The following SGSM1 variants were observed in gnomAD, a reference collection of about 807,000 sequenced individuals.
SGSM1 encodes the protein RUN and TBC1 domain containing 2.
In SGSM1, 73 loss-of-function variants were observed where a neutral mutation model predicts 133.8. The ratio of observed to expected loss-of-function variants is 0.55; its 90% CI spans 0.45 to 0.66. SGSM1 has a LOEUF of 0.66. SGSM1 is among the 30% of genes least tolerant of loss of function. The pLI is 0.00. For synonymous variants in SGSM1, 563 were observed against 573.0 expected (o/e 0.98, Z 0.25); for missense variants, 1,213 against 1,448.1 (o/e 0.84, Z 2.64).
At chr22:24,882,443 G>A (rs1266219769) in intron 14 of SGSM1, among the ~76,000 whole-genome samples, 1 of 152,128 alleles carries the variant, frequency 6.6e-6, no homozygotes, top group African/African-American at 2.4e-5. Flanking sequence ...TATTTTGATA[G>A]ATGTATCCAT....
Position 24,850,275 on chromosome 22 carries a change from TGAA to T in SGSM1, c.303-3_303-1del. Reference sequence around the variant, plus strand: ...ATCTATTCCCGTCTTTTATTGGTCTTGAAGGAGAAACCAGATTCAAGGCCTCCA... The same window carrying T: ...ATCTATTCCCGTCTTTTATTGGTCTTGGAGAAACCAGATTCAAGGCCTCCA... On this transcript the variant is annotated splice_acceptor_variant and splice_polypyrimidine_tract_variant and intron_variant, in intron 4 of 24. Coordinates refer to ENST00000400358, the MANE Select transcript of SGSM1 (RefSeq NM_001098497.3). LOFTEE classifies it high-confidence loss of function. 1 of 1,581,738 alleles carries T rather than the reference TGAA, an allele frequency of 6.3e-7. No individual in the cohort carries two copies. Among genetic ancestry groups the T allele is most frequent in the Non-Finnish European group, 8.6e-7 (1 of 1,163,768 alleles).
intron 13 of SGSM1, 67 bp from the exon 14 acceptor site, chr22:24,879,395 T>A: frequency 6.6e-7 from 1 of 1,508,090 alleles, no homozygotes; most frequent in East Asian, 2.3e-5. Flanking sequence ...CACGTGGTTA[T>A]CCTCTCCAGA....
At chr22:24,868,883 G>C in intron 12 of SGSM1, 28 bp downstream of exon 12, 3 of 1,610,252 alleles carry the variant, frequency 1.9e-6, no homozygotes, top group Non-Finnish European at 2.5e-6. Flanking sequence ...GGGCCCCGGG[G>C]AGTCACCTGC....
At chr22:24,911,542 C>T (rs1255708995) in intron 21 of SGSM1, among the ~76,000 whole-genome samples, 1 of 152,024 alleles carries the variant, frequency 6.6e-6, no homozygotes, top group Non-Finnish European at 1.5e-5. Flanking sequence ...GATGAGAAAC[C>T]TGACAAACAC....
At chr22:24,841,064 A>T (rs1030607297) in intron 2 of SGSM1, among the ~76,000 whole-genome samples, 2 of 151,714 alleles carry the variant, frequency 1.3e-5, no homozygotes, top group African/African-American at 4.8e-5. Flanking sequence ...GTTAGCCAAG[A>T]TGGTCTCGAT....
chr22:24,837,113 G>A (rs12484136), intron 2 of SGSM1, among the ~76,000 whole-genome samples: 22,819 of 152,084 alleles, frequency 0.15, 1,978 homozygotes, highest in East Asian at 0.21. Flanking sequence ...AGCTGGGCCC[G>A]GGGGACCACT....
At chr22:24,852,622 T>C (rs1016797661) in intron 5 of SGSM1, among the ~76,000 whole-genome samples, 2 of 152,134 alleles carry the variant, frequency 1.3e-5, no homozygotes, top group African/African-American at 2.4e-5. Flanking sequence ...TTAGTATTTT[T>C]AGTAGAAACA....
intron 14 of SGSM1, among the ~76,000 whole-genome samples, chr22:24,880,355 A>G (rs1324389585): frequency 6.6e-6 from 1 of 152,114 alleles, no homozygotes; most frequent in Non-Finnish European, 1.5e-5. Context: ...GCTGGTCTCG[A>G]ACTCCTGACC....
At chr22:24,829,999 G>T (rs1330936687) in intron 2 of SGSM1, among the ~76,000 whole-genome samples, 1 of 152,164 alleles carries the variant, frequency 6.6e-6, no homozygotes, top group Non-Finnish European at 1.5e-5. Context: ...TTCCAGGGCT[G>T]CCTGGCCCTC....
At chr22:24,908,048 A>G (rs1275969969) in intron 21 of SGSM1, among the ~76,000 whole-genome samples, 2 of 152,122 alleles carry the variant, frequency 1.3e-5, no homozygotes, top group African/African-American at 2.4e-5. Context: ...TTGAGAGCCC[A>G]TAAGTAAGCC....
chr22:24,827,508 G>T (rs1928866078), intron 2 of SGSM1, among the ~76,000 whole-genome samples: 1 of 152,086 alleles, frequency 6.6e-6, no homozygotes, highest in Admixed American at 6.6e-5. Context: ...TTGGAGGCCA[G>T]CTAGGTCCTG....
At chr22:24,858,702 T>C (rs1347929856) in intron 8 of SGSM1, among the ~76,000 whole-genome samples, 2 of 151,272 alleles carry the variant, frequency 1.3e-5, no homozygotes, top group East Asian at 1.9e-4. Context: ...AGGGATGAAT[T>C]ACGTGCCTGC....
rs1569149456 is a variant in SGSM1 at position 24,855,530 on chromosome 22, TC to T, written c.670-16del. ...TCACCCCAGGCCTCATCCCTCTGTC[TC>T]CCGTCACTCTCTACCAGATCCAGAA... On this transcript the variant is annotated intron_variant, in intron 7 of 24. Transcript: ENST00000400358. 1 of 1,613,616 alleles carries T rather than the reference TC, an allele frequency of 6.2e-7. No individual in the cohort carries two copies. The highest frequency in any genetic ancestry group is 8.5e-7 in the Non-Finnish European group (1 of 1,179,758).
rs771819751 is a variant in SGSM1 at position 24,925,539 on chromosome 22, G to A, written c.*1265G>A. 3.9e-5 allele frequency: 6 copies of A among 152,086 alleles called. No homozygotes were observed. Among genetic ancestry groups the A allele is most frequent in the Admixed American group, 3.3e-4 (5 of 15,262 alleles). 9.4% of individuals were successfully genotyped at this position (152,086 alleles called of 1,614,324 possible). On this transcript the variant is annotated 3_prime_UTR_variant, in exon 25 of 25. Coordinates refer to ENST00000400358, the MANE Select transcript of SGSM1 (RefSeq NM_001098497.3). ...GACCCAAAAAGTGTAGGCATGAGAC[G>A]GTCAGAGCTCTTTGGGGTCCTGCTC...
At chr22:24,913,292 CAAAAA>C (rs35021919) in intron 22 of SGSM1, among the ~76,000 whole-genome samples, 1 of 96,958 alleles carries the variant, frequency 1.0e-5, no homozygotes, top group Non-Finnish European at 2.0e-5. Context: ...GACTCCATCT[CAAAAA>C]AAAAAAAAAA....
At chr22:24,911,666 A>G (rs945696675) in intron 21 of SGSM1, among the ~76,000 whole-genome samples, 5 of 152,068 alleles carry the variant, frequency 3.3e-5, no homozygotes, top group Non-Finnish European at 7.4e-5. Flanking sequence ...CCTCTCGATA[A>G]CCCATAGCCC....
chr22:24,879,840 G>A (rs1262158965), intron 14 of SGSM1, among the ~76,000 whole-genome samples: 2 of 152,092 alleles, frequency 1.3e-5, no homozygotes, highest in South Asian at 2.1e-4. Flanking sequence ...GATTGAATGA[G>A]GACCACGTAG....
Position 24,835,139 on chromosome 22 carries a change from C to G in SGSM1, c.64-9758C>G, listed in dbSNP as rs1364841510. Among the ~76,000 whole-genome samples, 4 of 152,138 alleles carry G rather than the reference C, an allele frequency of 2.6e-5. No individual in the cohort carries two copies. The East Asian group carries it at 7.7e-4, about 29-fold the overall frequency. On this transcript the variant is annotated intron_variant, in intron 2 of 24. Coordinates refer to ENST00000400358, the MANE Select transcript of SGSM1 (RefSeq NM_001098497.3). Reference sequence around the variant, plus strand: ...TGCAAAGTTAATTTTGCTGTTTCTTCTTAACTTGATTTTTACCTGCATAAA... The same window carrying G: ...TGCAAAGTTAATTTTGCTGTTTCTTGTTAACTTGATTTTTACCTGCATAAA...
intron 21 of SGSM1, 133 bp downstream of exon 21, chr22:24,905,320 A>G: frequency 1.2e-6 from 1 of 831,798 alleles, no homozygotes; most frequent in Non-Finnish European, 2.1e-6. Flanking sequence ...TCTGGTGAAC[A>G]CATCAAGATC....
Sources: allele counts gnomAD v4.1 joint callset (sites outside exome capture counted in the v4.1 genomes callset), GRCh38; gene constraint gnomAD v4.1.1; transcripts MANE v1.5; gene names NCBI Gene and HGNC (gene_info 2026-07-23, HGNC 2026-07-21).